Variants in ZEB1 observed in about 807,000 individuals in gnomAD.
ZEB1 encodes the protein zinc finger E-box binding homeobox 1.
A neutral mutation model predicts 84.9 loss-of-function variants in ZEB1; 21 were observed. The ratio of observed to expected loss-of-function variants is 0.25; its 90% CI spans 0.18 to 0.36. The LOEUF is 0.36. Among genes scored for constraint, ZEB1 ranks in the 10% least tolerant of loss-of-function variants. The pLI is 1.00. For synonymous variants in ZEB1, 420 were observed against 471.1 expected (o/e 0.89, Z 1.41); for missense variants, 1,104 against 1,330.2 (o/e 0.83, Z 2.65).
chr10:31,329,297 G>C (rs1432012848), intron 1 of ZEB1, among the ~76,000 whole-genome samples: 1 of 152,026 alleles, frequency 6.6e-6, no homozygotes, highest in African/African-American at 2.4e-5. Flanking sequence ...TGTCCTTTCT[G>C]TGCACCTTCT....
At position 31,527,485 on chromosome 10, in the gene ZEB1, C is replaced by G. The variant is rs1175560609; in HGVS notation, c.*221C>G. ...ATCCGGGTGTGCCTGAACCTCAGAC[C>G]TAGTAATTTTTCATGCAGTTTTCAA... On this transcript the variant is annotated 3_prime_UTR_variant, in exon 9 of 9. Coordinates refer to ENST00000424869, the MANE Select transcript of ZEB1 (RefSeq NM_001174096.2). 1 of 592,528 alleles carries G rather than the reference C, an allele frequency of 1.7e-6. No individual in the cohort carries two copies. The highest frequency in any genetic ancestry group is 3.3e-5 in the Admixed American group (1 of 29,884). 36.7% of individuals were successfully genotyped at this position (592,528 alleles called of 1,614,324 possible). A position where few individuals can be genotyped will look rare whatever the true frequency, so the allele number is the denominator to read the frequency against.
At chr10:31,506,608 A>G (rs892490614) in intron 4 of ZEB1, among the ~76,000 whole-genome samples, 1 of 152,076 alleles carries the variant, frequency 6.6e-6, no homozygotes, top group African/African-American at 2.4e-5. Flanking sequence ...TTCCATTTGC[A>G]TGGACATCTT....
chr10:31,363,286 G>A (rs1394874559), intron 1 of ZEB1: 1 of 1,532,936 alleles, frequency 6.5e-7, no homozygotes, highest in African/African-American at 1.4e-5. Context: ...AAGTGGGTCA[G>A]GCTTCCCAAA....
chr10:31,325,374 G>A (rs1299812523), intron 1 of ZEB1, among the ~76,000 whole-genome samples: 2 of 151,976 alleles, frequency 1.3e-5, no homozygotes, highest in East Asian at 3.8e-4. Flanking sequence ...TCTCTACAAA[G>A]TTACTTTTCT....
At chr10:31,327,449 A>C (rs1306089671) in intron 1 of ZEB1, among the ~76,000 whole-genome samples, 1 of 152,168 alleles carries the variant, frequency 6.6e-6, no homozygotes, top group East Asian at 1.9e-4. Context: ...TTTGATAGCT[A>C]GATATGTTGC....
At chr10:31,469,176 G>A (rs1052499479) in intron 2 of ZEB1, among the ~76,000 whole-genome samples, 11 of 152,188 alleles carry the variant, frequency 7.2e-5, no homozygotes, top group African/African-American at 2.7e-4. Flanking sequence ...AGATTTCAGA[G>A]CTTGACGACT....
intron 8 of ZEB1, among the ~76,000 whole-genome samples, chr10:31,524,855 G>C (rs1366603873): frequency 6.6e-6 from 1 of 152,114 alleles, no homozygotes; most frequent in Non-Finnish European, 1.5e-5. Flanking sequence ...AAGATCTTTT[G>C]TTTTAAGTAA....
chr10:31,344,162 G>T (rs2039882661), intron 1 of ZEB1, among the ~76,000 whole-genome samples: 1 of 151,896 alleles, frequency 6.6e-6, no homozygotes, highest in Non-Finnish European at 1.5e-5. Flanking sequence ...GGTGTCTTTG[G>T]TTATGTAATA....
chr10:31,436,101 A>T (rs1423361955), intron 1 of ZEB1, among the ~76,000 whole-genome samples: 1 of 152,192 alleles, frequency 6.6e-6, no homozygotes, highest in Non-Finnish European at 1.5e-5. Context: ...GAGATTGTTT[A>T]AGCGATAATG....
intron 1 of ZEB1, among the ~76,000 whole-genome samples, chr10:31,458,912 T>C (rs970378423): frequency 5.3e-5 from 8 of 152,158 alleles, no homozygotes; most frequent in Non-Finnish European, 1.0e-4. Context: ...TTATGAATTA[T>C]GATGGTGTTA....
At chr10:31,526,599 T>C in intron 8 of ZEB1, 73 bp from the exon 9 acceptor site, 4 of 1,563,894 alleles carry the variant, frequency 2.6e-6, no homozygotes, top group Non-Finnish European at 3.5e-6. Flanking sequence ...CAACATGAAG[T>C]ACCCCAAAAA....
chr10:31,403,990 A>G (rs1005518653), intron 1 of ZEB1, among the ~76,000 whole-genome samples: 50 of 152,248 alleles, frequency 3.3e-4, no homozygotes, highest in African/African-American at 1.1e-3. Context: ...TCTTTAAGGA[A>G]TAAACTATGT....
In ZEB1 at chr10:31,387,955, C is replaced by T. The variant is rs192249278; in HGVS notation, c.58+68663C>T. On this transcript the variant is annotated intron_variant, in intron 1 of 8. Coordinates refer to ENST00000424869, the MANE Select transcript of ZEB1 (RefSeq NM_001174096.2). ...AAATATGTTGGTTCTATCAGGGAAA[C>T]CTTATGAAGGATAAGCAAATTAATG... Among the ~76,000 whole-genome samples the T allele has an allele frequency of 1.5e-3, 232 of 152,194 alleles. 1 individual carries two copies. The highest frequency in any genetic ancestry group is 4.7e-3 in the African/African-American group (194 of 41,552).
intron 1 of ZEB1, among the ~76,000 whole-genome samples, chr10:31,456,059 A>C (rs161274): frequency 0.078 from 11,881 of 152,290 alleles, 659 homozygotes; most frequent in African/African-American, 0.16. Context: ...CATATGCACC[A>C]TGAAATACTA....
At chr10:31,447,053 C>T (rs2136866284) in intron 1 of ZEB1, among the ~76,000 whole-genome samples, 1 of 148,920 alleles carries the variant, frequency 6.7e-6, no homozygotes, top group East Asian at 2.0e-4. Flanking sequence ...GAGTCTAAGT[C>T]TCTTTGTAGG....
chr10:31,445,191 T>A (rs2059595680), intron 1 of ZEB1, among the ~76,000 whole-genome samples: 2 of 145,288 alleles, frequency 1.4e-5, no homozygotes, highest in Non-Finnish European at 2.9e-5. Flanking sequence ...TGAATGGGAG[T>A]TCACTCATGA....
intron 4 of ZEB1, among the ~76,000 whole-genome samples, chr10:31,502,829 T>C (rs1480571251): frequency 2.0e-5 from 3 of 152,182 alleles, no homozygotes; most frequent in Non-Finnish European, 2.9e-5. Flanking sequence ...CCCTTTGGAT[T>C]CTTTCCCACC....
At chr10:31,478,523 A>C (rs2064588675) in intron 2 of ZEB1, among the ~76,000 whole-genome samples, 1 of 151,992 alleles carries the variant, frequency 6.6e-6, no homozygotes, top group Non-Finnish European at 1.5e-5. Flanking sequence ...AAGGAAAAGA[A>C]ATCATTATAT....
rs968386110 is a variant in ZEB1 at position 31,402,076 on chromosome 10, A to T, written c.59-58961A>T. Among the ~76,000 whole-genome samples the T allele has an allele frequency of 2.6e-5, 4 of 152,046 alleles. No individual in the cohort carries two copies. The East Asian group carries it at 7.7e-4, about 29-fold the overall frequency. ...TTAAAGTTTCAACTTCCAGAAGGCA[A>T]CCAAAAGTCAGTATTTTGTTGTTGT... On this transcript the variant is annotated intron_variant, in intron 1 of 8. Coordinates refer to ENST00000424869, the MANE Select transcript of ZEB1 (RefSeq NM_001174096.2).
Sources: gnomAD v4.1 joint callset for allele counts (sites outside exome capture counted in the v4.1 genomes callset) on GRCh38, gnomAD v4.1.1 for gene constraint, MANE v1.5 for transcripts, NCBI Gene and HGNC (gene_info 2026-07-23, HGNC 2026-07-21) for gene names.